CCND3: variants seen among roughly 807,000 people sequenced by gnomAD.
CCND3 encodes the protein cyclin D3.
CCND3 carries 9 observed loss-of-function variants against 28.7 expected under a neutral mutation model. The ratio of observed to expected loss-of-function variants is 0.31; its 90% CI spans 0.19 to 0.55. CCND3 has a LOEUF of 0.55. Among genes scored for constraint, CCND3 ranks in the 20% least tolerant of loss-of-function variants. The pLI is 0.93. For missense variants in CCND3, 315 were observed against 385.8 expected, an observed-to-expected ratio of 0.82 and a Z score of 1.54; for synonymous variants, 164 against 163.9, an observed-to-expected ratio of 1.00 and a Z score of 0.00.
intron 1 of CCND3, among the ~76,000 whole-genome samples, chr6:41,985,433 C>G (rs1388585831): frequency 6.6e-6 from 1 of 151,064 alleles, no homozygotes; most frequent in Middle Eastern, 3.2e-3. Context: ...CCTACCTCAG[C>G]CTTCCGAGCA....
chr6:41,959,739 C>A (rs1169173533), intron 1 of CCND3, among the ~76,000 whole-genome samples: 1 of 151,522 alleles, frequency 6.6e-6, no homozygotes, highest in East Asian at 1.9e-4. Flanking sequence ...AGCCTGACCA[C>A]GAGGTCAGGA....
At chr6:42,004,054 TTA>T (rs1229721512) in intron 1 of CCND3, among the ~76,000 whole-genome samples, 1 of 146,556 alleles carries the variant, frequency 6.8e-6, no homozygotes, top group East Asian at 2.0e-4. Context: ...ATCTTAAAAG[TTA>T]TATATATATG....
intron 1 of CCND3, among the ~76,000 whole-genome samples, chr6:42,004,045 T>A (rs761836882): frequency 8.7e-5 from 13 of 149,586 alleles, no homozygotes; most frequent in African/African-American, 3.2e-4. Context: ...ACATTAGAGA[T>A]CTTAAAAGTT....
chr6:41,955,105 G>A (rs1776406205), intron 1 of CCND3, among the ~76,000 whole-genome samples: 1 of 152,076 alleles, frequency 6.6e-6, no homozygotes, highest in Non-Finnish European at 1.5e-5. Context: ...ACCTGATGGG[G>A]CAACCTTCAA....
intron 1 of CCND3, among the ~76,000 whole-genome samples, chr6:41,957,835 T>C (rs1288258515): frequency 6.6e-6 from 1 of 152,096 alleles, no homozygotes; most frequent in Non-Finnish European, 1.5e-5. Flanking sequence ...ATTTGCTTTT[T>C]CATTTCTATT....
At chr6:41,998,709 C>T (rs1762891973) in intron 1 of CCND3, among the ~76,000 whole-genome samples, 2 of 150,414 alleles carry the variant, frequency 1.3e-5, no homozygotes, top group Admixed American at 1.3e-4. Flanking sequence ...GACAGAGTTT[C>T]GCTCTTGTTG....
chr6:42,027,356 C>T (rs1424334397), intron 1 of CCND3, among the ~76,000 whole-genome samples: 12 of 151,126 alleles, frequency 7.9e-5, no homozygotes, highest in African/African-American at 2.4e-5. Flanking sequence ...AGGAGAATGG[C>T]GTGAACGCGG....
chr6:41,997,106 G>A (rs1235324357), intron 1 of CCND3, among the ~76,000 whole-genome samples: 1 of 152,150 alleles, frequency 6.6e-6, no homozygotes, highest in African/African-American at 2.4e-5. Flanking sequence ...TGCACAGAAA[G>A]GACCTGTCTT....
intron 1 of CCND3, among the ~76,000 whole-genome samples, chr6:42,035,407 G>C (rs142018879): frequency 0.02 from 2,964 of 150,984 alleles, 95 homozygotes; most frequent in African/African-American, 0.067. Context: ...TCACACTGTC[G>C]CCCAGGCTGG....
intron 1 of CCND3, among the ~76,000 whole-genome samples, chr6:42,009,050 A>G (rs1373456660): frequency 6.6e-6 from 1 of 152,218 alleles, no homozygotes; most frequent in Non-Finnish European, 1.5e-5. Context: ...AATGTAGCTA[A>G]GGTATACAGA....
chr6:42,017,664 C>T (rs1236266542), intron 1 of CCND3, among the ~76,000 whole-genome samples: 1 of 152,104 alleles, frequency 6.6e-6, no homozygotes, highest in East Asian at 1.9e-4. Context: ...TCTCATGGAC[C>T]TAGCCCAAAA....
intron 1 of CCND3, among the ~76,000 whole-genome samples, chr6:42,002,318 T>C (rs905017608): frequency 2.0e-5 from 3 of 151,810 alleles, no homozygotes; most frequent in African/African-American, 7.3e-5. Context: ...TGGTGGTGCA[T>C]GCCTGTAGTT....
chr6:41,964,568 C>T (rs114162836), intron 1 of CCND3, among the ~76,000 whole-genome samples: 2,280 of 152,144 alleles, frequency 0.015, 41 homozygotes, highest in South Asian at 0.072. Context: ...GGGAAGACAG[C>T]GATGCTGCTT....
At chr6:42,031,747 A>G (rs1012680157) in intron 1 of CCND3, among the ~76,000 whole-genome samples, 6 of 150,744 alleles carry the variant, frequency 4.0e-5, no homozygotes, top group African/African-American at 4.9e-5. Flanking sequence ...ACAATTTTGC[A>G]TCCTGATTTT....
intron 1 of CCND3, among the ~76,000 whole-genome samples, chr6:42,042,527 A>C (rs927526346): frequency 6.6e-6 from 1 of 151,848 alleles, no homozygotes; most frequent in Non-Finnish European, 1.5e-5. Context: ...CACCCAGCTA[A>C]TTTTGTCTTT....
intron 1 of CCND3, among the ~76,000 whole-genome samples, chr6:42,041,382 G>T (rs905917187): frequency 6.6e-6 from 1 of 152,260 alleles, no homozygotes; most frequent in Admixed American, 6.5e-5. Flanking sequence ...CCCAGGACCA[G>T]CAGGTACCAG....
intron 1 of CCND3, among the ~76,000 whole-genome samples, chr6:41,962,328 G>A (rs976225947): frequency 6.6e-6 from 1 of 151,940 alleles, no homozygotes; most frequent in African/African-American, 2.4e-5. Context: ...TTGAACTCCT[G>A]ACCTCAGGTG....
intron 1 of CCND3, among the ~76,000 whole-genome samples, chr6:41,975,828 T>C (rs1762163820): frequency 6.6e-6 from 1 of 151,784 alleles, no homozygotes; most frequent in African/African-American, 2.4e-5. Context: ...AAGCCTTGAT[T>C]GGAAGCCATT....
At chr6:41,960,597 A>T (rs1761693375) in intron 1 of CCND3, among the ~76,000 whole-genome samples, 2 of 152,154 alleles carry the variant, frequency 1.3e-5, no homozygotes, top group African/African-American at 4.8e-5. Flanking sequence ...AAAATAGGGG[A>T]GTACTATCTA....
Sources: allele counts gnomAD v4.1 joint callset (sites outside exome capture counted in the v4.1 genomes callset), GRCh38; gene constraint gnomAD v4.1.1; transcripts MANE v1.5; gene names NCBI Gene and HGNC (gene_info 2026-07-23, HGNC 2026-07-21).